The following ZPBP variants were observed in gnomAD, a reference collection of about 807,000 sequenced individuals.
ZPBP encodes the protein zona pellucida binding protein.
Under a neutral mutation model 44.8 loss-of-function variants are expected in ZPBP, and 26 were observed. The observed-to-expected ratio is 0.58, with a 90% CI of 0.43 to 0.81. The LOEUF (loss-of-function observed/expected upper bound fraction) is 0.81, where lower values mean the gene tolerates loss of function less well. Ranked by LOEUF, ZPBP falls within the 30% of genes least tolerant of loss-of-function variation. The probability of loss-of-function intolerance (pLI) is 0.00; values close to 1 mark genes in which losing one functional copy is unlikely to be tolerated. For synonymous variants in ZPBP, 174 were observed against 153.2 expected, an observed-to-expected ratio of 1.14 and a Z score of -1.00; for missense variants, 409 against 434.0, an observed-to-expected ratio of 0.94 and a Z score of 0.51.
intron 1 of ZPBP, among the ~76,000 whole-genome samples, chr7:49,930,394 T>C (rs1016988699): frequency 2.0e-5 from 3 of 152,120 alleles, no homozygotes; most frequent in African/African-American, 4.8e-5. Context: ...CTCCGGCAAA[T>C]TAAATATAAA....
intron 4 of ZPBP, among the ~76,000 whole-genome samples, chr7:50,038,611 A>G (rs578039302): frequency 1.3e-5 from 2 of 152,334 alleles, no homozygotes; most frequent in South Asian, 4.1e-4. Flanking sequence ...GCATCTTCCA[A>G]GGACATACAT....
chr7:50,079,386 A>G (rs1393460631), intron 3 of ZPBP, among the ~76,000 whole-genome samples: 2 of 151,664 alleles, frequency 1.3e-5, no homozygotes, highest in Admixed American at 6.6e-5. Flanking sequence ...TCTGACACAT[A>G]GTAATCTTAT....
intron 3 of ZPBP, among the ~76,000 whole-genome samples, chr7:50,064,687 G>A (rs758552303): frequency 8.5e-5 from 13 of 152,170 alleles, no homozygotes; most frequent in African/African-American, 1.2e-4. Context: ...GCTCGCCAGC[G>A]GTCAGAGTTT....
chr7:49,999,044 C>T (rs13239674), intron 6 of ZPBP, among the ~76,000 whole-genome samples: 66,823 of 151,698 alleles, frequency 0.44, 15,237 homozygotes, highest in East Asian at 0.69. Flanking sequence ...GTTAGGAATG[C>T]TGAACTGGTA....
chr7:49,907,239 G>A (rs1793151894), intron 1 of ZPBP, among the ~76,000 whole-genome samples: 2 of 152,174 alleles, frequency 1.3e-5, no homozygotes, highest in Non-Finnish European at 2.9e-5. Context: ...GAAAATGATT[G>A]ACATAATGGC....
At chr7:49,904,770 C>CT (rs1206157234) in intron 1 of ZPBP, among the ~76,000 whole-genome samples, 3 of 142,888 alleles carry the variant, frequency 2.1e-5, no homozygotes, top group African/African-American at 5.2e-5. Context: ...GAGTATCACT[C>CT]TGTCGCCCAG....
intron 2 of ZPBP, among the ~76,000 whole-genome samples, chr7:49,851,095 A>C (rs988420098): frequency 1.3e-5 from 2 of 152,016 alleles, no homozygotes; most frequent in Non-Finnish European, 2.9e-5. Flanking sequence ...GCTCCCTTAC[A>C]TGCCTCTCTC....
At chr7:49,846,062 G>A (rs1311028084), downstream of ZPBP, among the ~76,000 whole-genome samples, 1 of 152,168 alleles carries the variant, frequency 6.6e-6, no homozygotes, top group Non-Finnish European at 1.5e-5. Flanking sequence ...ATTTCAGGCA[G>A]CTTCAAAAAT....
chr7:50,054,335 A>G (rs1800830104), intron 4 of ZPBP, among the ~76,000 whole-genome samples: 2 of 152,206 alleles, frequency 1.3e-5, no homozygotes, highest in African/African-American at 4.8e-5. Context: ...TAAAGCATGC[A>G]TAAGAAAAGA....
intron 2 of ZPBP, among the ~76,000 whole-genome samples, chr7:49,861,286 C>T (rs998946608): frequency 1.3e-5 from 2 of 152,086 alleles, no homozygotes; most frequent in African/African-American, 4.8e-5. Flanking sequence ...TTTTCATGTG[C>T]TTATTGGCCA....
chr7:49,872,935 A>T (rs1791237272), intron 2 of ZPBP, among the ~76,000 whole-genome samples: 1 of 149,294 alleles, frequency 6.7e-6, no homozygotes, highest in South Asian at 2.1e-4. Context: ...AAAAAAAAAA[A>T]AAGAAAGAAA....
At chr7:50,000,721 T>C (rs1441481426) in intron 6 of ZPBP, among the ~76,000 whole-genome samples, 3 of 152,190 alleles carry the variant, frequency 2.0e-5, no homozygotes, top group Admixed American at 6.6e-5. Flanking sequence ...TAGTATTTTG[T>C]ATGGAATAAA....
chr7:50,089,587 C>G (rs1433808259), intron 2 of ZPBP, 42 bp downstream of exon 2: 3 of 1,407,156 alleles, frequency 2.1e-6, no homozygotes, highest in Non-Finnish European at 9.9e-7. Context: ...TAAACAAATG[C>G]TAATAACTTT....
chr7:50,083,972 C>G (rs1264762961), intron 2 of ZPBP, among the ~76,000 whole-genome samples: 2 of 151,906 alleles, frequency 1.3e-5, no homozygotes, highest in East Asian at 3.9e-4. Context: ...AATGGTAACA[C>G]TTTCTGTTTG....
intron 1 of ZPBP, among the ~76,000 whole-genome samples, chr7:49,928,072 T>G (rs1158129494): frequency 6.6e-6 from 1 of 152,136 alleles, no homozygotes; most frequent in African/African-American, 2.4e-5. Flanking sequence ...GTTAGAAAAT[T>G]GGGCACTCAG....
chr7:49,966,324 ACT>A (rs1399247620), intron 7 of ZPBP, among the ~76,000 whole-genome samples: 2 of 152,034 alleles, frequency 1.3e-5, no homozygotes, highest in East Asian at 3.8e-4. Flanking sequence ...TCTGTCTCTC[ACT>A]CTCTCTCAGT....
chr7:49,904,223 G>A (rs1792953497), intron 1 of ZPBP, among the ~76,000 whole-genome samples: 1 of 152,034 alleles, frequency 6.6e-6, no homozygotes. Context: ...AATGATTTGA[G>A]GCTGCTTTTC....
At chr7:49,917,816 A>G (rs1322941492) in intron 1 of ZPBP, 4 of 142,774 alleles carry the variant, frequency 2.8e-5, no homozygotes, top group Middle Eastern at 3.5e-3. Flanking sequence ...ATGTTTTAGA[A>G]AGAACTGTTT....
intron 3 of ZPBP, among the ~76,000 whole-genome samples, chr7:50,058,654 T>G (rs1275756565): frequency 6.6e-6 from 1 of 152,086 alleles, no homozygotes; most frequent in Non-Finnish European, 1.5e-5. Context: ...AAGCAAAATT[T>G]GGCTTATAAA....
Sources: gnomAD v4.1 joint callset for allele counts (sites outside exome capture counted in the v4.1 genomes callset) on GRCh38, gnomAD v4.1.1 for gene constraint, MANE v1.5 for transcripts, NCBI Gene and HGNC (gene_info 2026-07-23, HGNC 2026-07-21) for gene names.